Variants in SLC51A observed in about 807,000 individuals in gnomAD.
SLC51A encodes organic solute transporter subunit alpha.
In SLC51A, 22 loss-of-function variants were observed where a neutral mutation model predicts 34.8. The observed-to-expected ratio is 0.63, with a 90% CI of 0.45 to 0.90. SLC51A has a LOEUF of 0.90. Ranked by LOEUF, SLC51A falls within the 40% of genes least tolerant of loss-of-function variation. The probability of loss-of-function intolerance (pLI) is 0.00; values close to 1 mark genes in which losing one functional copy is unlikely to be tolerated. For synonymous variants in SLC51A, 181 were observed against 176.3 expected (o/e 1.03, Z -0.21); for missense variants, 371 against 414.8 (o/e 0.89, Z 0.92).
intron 2 of SLC51A, chr3:196,225,861 G>A (rs1012288968): frequency 1.1e-4 from 16 of 152,194 alleles, no homozygotes; most frequent in African/African-American, 1.2e-4. Context: ...ATGTCTGAAC[G>A]TAGGGCCTGG....
chr3:196,229,556 T>C (rs1475294169), intron 6 of SLC51A, among the ~76,000 whole-genome samples: 1 of 151,810 alleles, frequency 6.6e-6, no homozygotes, highest in Non-Finnish European at 1.5e-5. Context: ...TTTGTATTTT[T>C]CATAGAGATG....
rs1553826407 is a variant in SLC51A, at chr3:196,227,198, A to ATGTCACTTC, written c.288+79_288+80insTGTCACTTC. The ATGTCACTTC allele has an allele frequency of 2.2e-5, 29 of 1,347,782 alleles. 1 individual carries two copies. The highest frequency in any genetic ancestry group is 2.8e-5 in the Non-Finnish European group (27 of 979,366). The allele number at this position is 1,347,782 out of a possible 1,614,324, so 83.5% of individuals were successfully genotyped here. A position where few individuals can be genotyped will look rare whatever the true frequency, so the allele number is the denominator to read the frequency against. ...AGGTGAGAATTCCTCTAAACTCAGC[A>ATGTCACTTC]CGTCACTTCGGCAAAGAGTGTCCTG... On this transcript the variant is annotated intron_variant, in intron 3 of 8. Transcript: ENST00000296327.
At position 196,230,491 on chromosome 3, in the gene SLC51A, G is replaced by A. The variant is rs1187371510; in HGVS notation, c.780+430G>A. On this transcript the variant is annotated intron_variant, in intron 7 of 8. Coordinates refer to ENST00000296327, the MANE Select transcript of SLC51A (RefSeq NM_152672.6). ...CATTATCTCGTTATATTCTCCCCTT[G>A]TGTTTCTGTGTGTCTTCTATTTTTT... Among the ~76,000 whole-genome samples the A allele has an allele frequency of 1.3e-4, 20 of 150,124 alleles. No homozygotes were observed. In the Admixed American group the frequency reaches 1.3e-3, roughly 10 times the overall value.
intron 2 of SLC51A, among the ~76,000 whole-genome samples, chr3:196,221,272 A>AG (rs972507439): frequency 7.2e-5 from 11 of 151,892 alleles, no homozygotes; most frequent in African/African-American, 2.7e-4. Flanking sequence ...AAAGAGAGAG[A>AG]GAAAAAAAAG....
Position 196,227,078 on chromosome 3 carries a change from A to G in SLC51A, c.247A>G (p.Ile83Val). ...CCTGTACAAGAACACCCTTTGCCCC[A>G]TCAAGAGGCGGACTCTGCTCTGGAA... ...VYLYKNTLCP[I>V]KRRTLLWKSS... is the part of the protein sequence containing the mutation. Residue 83 changes from isoleucine to valine, a missense_variant, in exon 3 of 9, where the codon ATC (isoleucine) becomes GTC (valine). Ile to Val is a conservative substitution (Grantham distance 29). Transcript: ENST00000296327. 1 of 1,614,056 alleles carries G rather than the reference A, an allele frequency of 6.2e-7. No individual in the cohort carries two copies. The highest frequency in any genetic ancestry group is 1.6e-4 in the Middle Eastern group (1 of 6,062).
At chr3:196,223,857 CTTTTTTT>C (rs10578707) in intron 2 of SLC51A, 192 of 334,620 alleles carry the variant, frequency 5.7e-4, no homozygotes, top group Middle Eastern at 2.1e-3. Context: ...TTTTTAATGC[CTTTTTTT>C]TTTTTTTTTT....
rs1213581394 is a variant in SLC51A at position 196,228,735 on chromosome 3, C to T, written c.522-74C>T. ...GCAGCCGAGCCTCAGCCCAGGAGCCCTGTGAGGAGCCGGGGCGTCTTCCTG... is the reference window on the plus strand; with the variant it reads ...GCAGCCGAGCCTCAGCCCAGGAGCCTTGTGAGGAGCCGGGGCGTCTTCCTG... On this transcript the variant is annotated intron_variant, in intron 5 of 8. Transcript: ENST00000296327. The surrounding 1 kb of genome is among the most constrained non-coding windows in gnomAD (Gnocchi z 4.9). 7.9e-7 allele frequency: 1 copy of T among 1,272,236 alleles called. No homozygotes were observed. Among genetic ancestry groups the T allele is most frequent in the East Asian group, 2.3e-5 (1 of 43,216 alleles). The allele number at this position is 1,272,236 out of a possible 1,614,324, so 78.8% of individuals were successfully genotyped here. A position where few individuals can be genotyped will look rare whatever the true frequency, so the allele number is the denominator to read the frequency against.
Position 196,228,041 on chromosome 3 carries a change from GT to G in SLC51A, c.363-73del. 1 of 1,559,732 alleles carries G rather than the reference GT, an allele frequency of 6.4e-7. No individual in the cohort carries two copies. Among genetic ancestry groups the G allele is most frequent in the East Asian group, 2.3e-5 (1 of 44,406 alleles). ...CGCCCAGCCCTAGCTCTGCTCCTCA[GT>G]AAGCCCCACCTCTCCCTGCTGTCTT... On this transcript the variant is annotated intron_variant, in intron 4 of 8. Coordinates refer to ENST00000296327, the MANE Select transcript of SLC51A (RefSeq NM_152672.6). The surrounding 1 kb of genome is among the most constrained non-coding windows in gnomAD (Gnocchi z 4.9).
At chr3:196,229,447 G>A (rs967710495) in intron 6 of SLC51A, among the ~76,000 whole-genome samples, 4 of 146,840 alleles carry the variant, frequency 2.7e-5, no homozygotes, top group Admixed American at 1.4e-4. Flanking sequence ...AGCGCATCTC[G>A]GCTCACTGCA....
At position 196,228,084 on chromosome 3, in the gene SLC51A, C is replaced by A. The variant is rs1209747475; in HGVS notation, c.363-31C>A. ...TGCTGTCTTTCTCTCTGGCAGCAGA[C>A]CTCGTAGGCCCTCTTCTCTCCCCAC... On this transcript the variant is annotated intron_variant, in intron 4 of 8. Transcript: ENST00000296327. This position sits in a 1 kb window ranked among gnomAD's most constrained non-coding sequence, Gnocchi z 4.9. 2 of 1,597,536 alleles carry A rather than the reference C, an allele frequency of 1.3e-6. No homozygotes were observed. Among genetic ancestry groups the A allele is most frequent in the Non-Finnish European group, 1.7e-6 (2 of 1,170,240 alleles).
chr3:196,223,452 C>T (rs191489701), intron 2 of SLC51A, among the ~76,000 whole-genome samples: 2 of 151,772 alleles, frequency 1.3e-5, no homozygotes, highest in African/African-American at 2.4e-5. Flanking sequence ...TAACGTTACC[C>T]GGAATGGAGA....
Position 196,229,936 on chromosome 3 carries a change from C to G in SLC51A, c.655C>G (p.Leu219Val). Reference sequence around the variant, plus strand: ...CCAGATTTCTGAGGGGAGCACAGCTCTATGGATCAACACTTTCCTTGGCGT... The same window carrying G: ...CCAGATTTCTGAGGGGAGCACAGCTGTATGGATCAACACTTTCCTTGGCGT... ...PADISEGSTA[L>V]WINTFLGVST... Residue 219 changes from leucine (L) to valine (V), a missense_variant, in exon 7 of 9, where the codon CTA becomes GTA. By Grantham distance (32) the Leu-to-Val change is conservative. Coordinates refer to ENST00000296327, the MANE Select transcript of SLC51A (RefSeq NM_152672.6). The G allele has an allele frequency of 3.1e-6, 5 of 1,612,152 alleles. No individual in the cohort carries two copies. The highest frequency in any genetic ancestry group is 4.2e-6 in the Non-Finnish European group (5 of 1,179,194).
At chr3:196,219,532 G>T (rs190831966) in intron 2 of SLC51A, among the ~76,000 whole-genome samples, 6 of 152,330 alleles carry the variant, frequency 3.9e-5, no homozygotes, top group East Asian at 1.9e-4. Context: ...CATTTCAGAT[G>T]ATCTGAACCA....
chr3:196,227,146 G>T lies in SLC51A; in HGVS notation c.288+27G>T, dbSNP rs182486212. The T allele has an allele frequency of 3.1e-6, 5 of 1,607,844 alleles. No individual in the cohort carries two copies. The South Asian group carries it at 5.5e-5, about 18-fold the overall frequency. On this transcript the variant is annotated intron_variant, in intron 3 of 8. Coordinates refer to ENST00000296327, the MANE Select transcript of SLC51A (RefSeq NM_152672.6). ...TGAGGCCCCCGGGGCTGCCCTGTGG[G>T]GGGAACTGAAAAGAAGGCAGAGACC...
Position 196,217,947 on chromosome 3 carries a change from A to C in SLC51A, c.133+11A>C, listed in dbSNP as rs1286097949. On this transcript the variant is annotated intron_variant, in intron 2 of 8. Coordinates refer to ENST00000296327, the MANE Select transcript of SLC51A (RefSeq NM_152672.6). ...CCCAACTCCTGAGAGGTGAGTGGGG[A>C]CCCTCCTCAGAGGGAACTGAGAGGA... 3.1e-6 allele frequency: 5 copies of C among 1,608,330 alleles called. No homozygotes were observed. The South Asian group carries it at 5.6e-5, about 18-fold the overall frequency.
At chr3:196,223,797 C>T in intron 2 of SLC51A, 1 of 347,832 alleles carries the variant, frequency 2.9e-6, no homozygotes, top group South Asian at 2.2e-5. Context: ...AAATCATCTA[C>T]AGTCCCACCC....
In SLC51A at chr3:196,216,741, T is replaced by C. The variant is rs1723590318; in HGVS notation, c.29T>C (p.Leu10Pro). The C allele has an allele frequency of 1.3e-6, 2 of 1,578,212 alleles. No individual in the cohort carries two copies. Among genetic ancestry groups the C allele is most frequent in the South Asian group, 1.2e-5 (1 of 86,380 alleles). The change falls in exon 1 of 9, where the codon CTT (leucine) becomes CCT (proline). Residue 10 changes from leucine (L) to proline (P), a missense_variant. Transcript: ENST00000296327. This position sits in a 1 kb window ranked among gnomAD's most constrained non-coding sequence, Gnocchi z 4.5. MEPGRTQIK[L>P]DPRYTADLLE... The stretch of plus-strand genomic sequence containing the variant: ...GAGCCGGGCAGGACCCAGATAAAGC[T>C]TGACCCCAGGTAAGTGAGGGCGGCG...
rs182486212 is a variant in SLC51A, at chr3:196,227,146, G to A, written c.288+27G>A. The A allele has an allele frequency of 3.9e-5, 62 of 1,607,844 alleles. No homozygotes were observed. The Middle Eastern group carries it at 6.6e-4, about 17-fold the overall frequency. On this transcript the variant is annotated intron_variant, in intron 3 of 8. Transcript: ENST00000296327. ...TGAGGCCCCCGGGGCTGCCCTGTGG[G>A]GGGAACTGAAAAGAAGGCAGAGACC... is the stretch of plus-strand genomic sequence containing the variant.
At chr3:196,221,940 G>C (rs1476960896) in intron 2 of SLC51A, among the ~76,000 whole-genome samples, 2 of 150,704 alleles carry the variant, frequency 1.3e-5, no homozygotes, top group East Asian at 2.0e-4. Flanking sequence ...GGATGGTCTC[G>C]ATCTCCTGAC....
Sources: allele counts gnomAD v4.1 joint callset (sites outside exome capture counted in the v4.1 genomes callset), GRCh38; gene constraint gnomAD v4.1.1; non-coding constraint Gnocchi (gnomAD v3.1); transcripts MANE v1.5; gene names NCBI Gene and HGNC (gene_info 2026-07-23, HGNC 2026-07-21).